The following ASTN2 variants were observed in gnomAD, a reference collection of about 807,000 sequenced individuals.
The protein encoded by ASTN2 is astrotactin 2, also known as astrotactin-2.
A neutral mutation model predicts 139.8 loss-of-function variants in ASTN2; 54 were observed. The ratio of observed to expected loss-of-function variants is 0.39; its 90% CI spans 0.31 to 0.48. The LOEUF (loss-of-function observed/expected upper bound fraction) is 0.48. ASTN2 is among the 20% of genes least tolerant of loss of function. The pLI, the probability that ASTN2 is intolerant of heterozygous loss-of-function variation, is 0.95. For missense variants in ASTN2, 1,565 were observed against 1,725.1 expected (o/e 0.91, Z 1.64); for synonymous variants, 756 against 719.5 (o/e 1.05, Z -0.81).
chr9:116,540,637 C>T (rs1452434262), intron 19 of ASTN2: 3 of 152,208 alleles, frequency 2.0e-5, no homozygotes, highest in African/African-American at 4.8e-5. Context: ...AGCAGGCCAT[C>T]TAAAGCCACT....
intron 2 of ASTN2, among the ~76,000 whole-genome samples, chr9:117,224,820 A>G (rs1832649134): frequency 6.6e-6 from 1 of 152,096 alleles, no homozygotes; most frequent in Non-Finnish European, 1.5e-5. Flanking sequence ...CTTGTGGGTC[A>G]TGAGTTCTCT....
intron 16 of ASTN2, among the ~76,000 whole-genome samples, chr9:116,704,226 G>C (rs1459796254): frequency 2.6e-5 from 4 of 152,100 alleles, no homozygotes; most frequent in African/African-American, 9.7e-5. Flanking sequence ...ATCCCTTCTA[G>C]CTCTAAGATT....
intron 10 of ASTN2, among the ~76,000 whole-genome samples, chr9:116,939,845 C>G (rs1281508254): frequency 6.6e-6 from 1 of 152,148 alleles, no homozygotes; most frequent in African/African-American, 2.4e-5. Flanking sequence ...TTCCGTCAAC[C>G]ATGGACAAAA....
At chr9:116,852,956 GA>G (rs751197415) in intron 11 of ASTN2, among the ~76,000 whole-genome samples, 2 of 146,128 alleles carry the variant, frequency 1.4e-5, no homozygotes, top group African/African-American at 5.1e-5. Flanking sequence ...GTCCTAAAAA[GA>G]AAAAAAAATT....
intron 20 of ASTN2, among the ~76,000 whole-genome samples, chr9:116,472,923 T>C (rs1407041605): frequency 1.4e-5 from 1 of 73,886 alleles, no homozygotes; most frequent in Non-Finnish European, 3.5e-5. Flanking sequence ...CGAGACTCTG[T>C]CTTGGAAAAA....
intron 19 of ASTN2, among the ~76,000 whole-genome samples, chr9:116,608,708 C>T (rs35623663): frequency 0.041 from 6,169 of 152,154 alleles, 439 homozygotes; most frequent in African/African-American, 0.14. Context: ...GCAAGAATCG[C>T]AATGTCTGGC....
intron 11 of ASTN2, among the ~76,000 whole-genome samples, chr9:116,832,540 T>G (rs1391992186): frequency 6.8e-6 from 1 of 147,698 alleles, no homozygotes; most frequent in Non-Finnish European, 1.5e-5. Context: ...TCTATTCTTA[T>G]TTTTTTTTTG....
intron 19 of ASTN2, among the ~76,000 whole-genome samples, chr9:116,571,508 TGTGA>T (rs745316321): frequency 1.3e-5 from 2 of 152,060 alleles, no homozygotes; most frequent in East Asian, 3.9e-4. Flanking sequence ...ATACGGTGAG[TGTGA>T]GTATTTGGTG....
intron 20 of ASTN2, among the ~76,000 whole-genome samples, chr9:116,483,491 C>A (rs1849239052): frequency 6.6e-6 from 1 of 151,446 alleles, no homozygotes; most frequent in Non-Finnish European, 1.5e-5. Flanking sequence ...GGGAGAGAGG[C>A]CAAAATTCAA....
intron 1 of ASTN2, among the ~76,000 whole-genome samples, chr9:117,325,101 G>T (rs1057039377): frequency 6.6e-6 from 1 of 152,082 alleles, no homozygotes; most frequent in African/African-American, 2.4e-5. Flanking sequence ...ACAGAGAGTG[G>T]AATCATCCAT....
chr9:116,882,152 C>A (rs897719335), intron 10 of ASTN2, among the ~76,000 whole-genome samples: 25 of 152,182 alleles, frequency 1.6e-4, no homozygotes, highest in Non-Finnish European at 3.4e-4. Context: ...TCTGGCCCTG[C>A]ACTCTTAGCT....
intron 13 of ASTN2, among the ~76,000 whole-genome samples, chr9:116,746,028 T>G (rs1306699258): frequency 6.6e-6 from 1 of 151,828 alleles, no homozygotes; most frequent in Non-Finnish European, 1.5e-5. Flanking sequence ...AGGCTGTCCA[T>G]ATGGCTCATG....
intron 1 of ASTN2, among the ~76,000 whole-genome samples, chr9:117,381,581 C>A (rs753023744): frequency 1.1e-4 from 16 of 152,198 alleles, no homozygotes; most frequent in Admixed American, 5.9e-4. Context: ...TATTAAGAAG[C>A]CTGCTCTTGC....
chr9:117,155,861 A>C (rs1281697254), intron 3 of ASTN2, among the ~76,000 whole-genome samples: 1 of 152,050 alleles, frequency 6.6e-6, no homozygotes, highest in East Asian at 1.9e-4. Context: ...CATCAGAGAG[A>C]TCAATATGAG....
chr9:117,061,427 T>C (rs1839288481), intron 5 of ASTN2, among the ~76,000 whole-genome samples: 1 of 65,828 alleles, frequency 1.5e-5, no homozygotes, highest in Non-Finnish European at 3.6e-5. Flanking sequence ...AATGGAAAGA[T>C]ATGCCTTCAA....
intron 19 of ASTN2, among the ~76,000 whole-genome samples, chr9:116,591,858 C>G (rs547897776): frequency 1.3e-5 from 2 of 152,266 alleles, no homozygotes; most frequent in South Asian, 4.1e-4. Context: ...CATATATGTA[C>G]TTATGATACG....
intron 10 of ASTN2, among the ~76,000 whole-genome samples, chr9:116,920,751 C>A (rs945372182): frequency 2.6e-5 from 4 of 152,162 alleles, no homozygotes; most frequent in African/African-American, 4.8e-5. Context: ...TGAATGATGA[C>A]TTGCTGAGGT....
intron 16 of ASTN2, among the ~76,000 whole-genome samples, chr9:116,680,470 T>C (rs973243747): frequency 1.3e-5 from 2 of 152,178 alleles, no homozygotes; most frequent in Non-Finnish European, 2.9e-5. Context: ...TATCATTCCT[T>C]CTGAAACTAT....
chr9:116,844,571 A>T (rs1046694886), intron 11 of ASTN2, among the ~76,000 whole-genome samples: 3 of 151,926 alleles, frequency 2.0e-5, no homozygotes, highest in Non-Finnish European at 4.4e-5. Flanking sequence ...AATGAGCCTA[A>T]TTACACCTAC....
Sources: gnomAD v4.1 joint callset for allele counts (sites outside exome capture counted in the v4.1 genomes callset) on GRCh38, gnomAD v4.1.1 for gene constraint, MANE v1.5 for transcripts, NCBI Gene and HGNC (gene_info 2026-07-23, HGNC 2026-07-21) for gene names.